SYVN1: variants seen among roughly 807,000 people sequenced by gnomAD.
SYVN1 encodes E3 ubiquitin-protein ligase synoviolin.
In SYVN1, 17 loss-of-function variants were observed where a neutral mutation model predicts 62.6. The ratio of observed to expected loss-of-function variants is 0.27; its 90% CI spans 0.19 to 0.41. SYVN1 has a LOEUF of 0.41. Among genes scored for constraint, SYVN1 ranks in the 10% least tolerant of loss-of-function variants. The probability of loss-of-function intolerance (pLI) is 1.00; values close to 1 mark genes in which losing one functional copy is unlikely to be tolerated. For synonymous variants in SYVN1, 316 were observed against 304.0 expected, an observed-to-expected ratio of 1.04 and a Z score of -0.41; for missense variants, 634 against 818.0, an observed-to-expected ratio of 0.78 and a Z score of 2.74.
Position 65,130,100 on chromosome 11 carries a change from G to A in SYVN1, c.1310C>T (p.Ala437Val), listed in dbSNP as rs1948157086. 6.2e-7 allele frequency: 1 copy of A among 1,611,444 alleles called. No individual in the cohort carries two copies. Among genetic ancestry groups the A allele is most frequent in the African/African-American group, 1.3e-5 (1 of 74,902 alleles). The change falls in exon 13 of 16, where the codon GCA becomes GTA. Residue 437 changes from alanine to valine, a missense_variant. By Grantham distance (64) the Ala-to-Val change is moderately conservative. Transcript: ENST00000377190. ...GTSATAASAT[A>V]SGPGSGSAPE... The stretch of plus-strand genomic sequence containing the variant: ...GGCAGAGCCAGAGCCTGGGCCAGAT[G>A]CTGTGGCAGAAGCAGCAGTAGCACT...
At chr11:65,132,598 C>A (rs753040219) in intron 5 of SYVN1, 134 bp downstream of exon 5, 1 of 1,127,682 alleles carries the variant, frequency 8.9e-7, no homozygotes, top group Non-Finnish European at 1.3e-6. Context: ...TAGAGTGGAA[C>A]AGCACAGAGA....
Position 65,133,493 on chromosome 11 carries a change from T to C in SYVN1, c.109A>G (p.Thr37Ala). The C allele has an allele frequency of 6.2e-7, 1 of 1,613,864 alleles. No homozygotes were observed. The highest frequency in any genetic ancestry group is 8.5e-7 in the Non-Finnish European group (1 of 1,180,016). The change falls in exon 2 of 16, where the codon ACC becomes GCC. Residue 37 changes from threonine (T) to alanine (A), a missense_variant. Physicochemically the swap from Thr to Ala is moderately conservative, Grantham distance 58 (BLOSUM62 0). Transcript: ENST00000377190. ...ACTGCCATGCTGGGGCTGGACTTGG[T>C]CAGGTACACCACAGTGGGGTAGAAC... ...HQFYPTVVYL[T>A]KSSPSMAVLY...
chr11:65,133,303 C>G, intron 2 of SYVN1, 51 bp from the exon 3 acceptor site: 1 of 1,600,000 alleles, frequency 6.3e-7, no homozygotes, highest in Non-Finnish European at 8.6e-7. Context: ...CTTTCCTCTC[C>G]TTGGGACTCA....
At chr11:65,128,524 A>G in intron 15 of SYVN1, 36 bp from the exon 16 acceptor site, 1 of 1,613,282 alleles carries the variant, frequency 6.2e-7, no homozygotes, top group South Asian at 1.1e-5. Flanking sequence ...AACCTAGAGA[A>G]GTTCCCTGCT....
chr11:65,131,646 C>A, intron 6 of SYVN1, 50 bp from the exon 7 acceptor site: 1 of 1,598,258 alleles, frequency 6.3e-7, no homozygotes, highest in Non-Finnish European at 8.5e-7. Context: ...CTCCCCCTTG[C>A]TGCACCCACA....
Position 65,128,706 on chromosome 11 carries a change from CG to C in SYVN1, c.1603del (p.Arg535GlyfsTer96). Reference sequence around the variant, plus strand: ...AGTGGAGTTGACTGAAGTGGCAGGCCGGGGGGGCCTGGGAAGAGAAGGGACG... The same window carrying C: ...AGTGGAGTTGACTGAAGTGGCAGGCCGGGGGGCCTGGGAAGAGAAGGGACG... Reference protein sequence around the residue: ...LTVLASLGPPRPATSVNSTEE... With the variant: ...LTVLASLGPPXPATSVNSTEE... On this transcript the variant is annotated frameshift_variant, in exon 15 of 16. Coordinates refer to ENST00000377190, the MANE Select transcript of SYVN1 (RefSeq NM_172230.3). LOFTEE classifies it high-confidence loss of function. 10 of 1,607,806 alleles carry C rather than the reference CG, an allele frequency of 6.2e-6. No homozygotes were observed. The highest frequency in any genetic ancestry group is 3.4e-5 in the Admixed American group (2 of 58,646).
intron 14 of SYVN1, 126 bp from the exon 15 acceptor site, chr11:65,128,840 G>T: frequency 2.0e-6 from 2 of 998,366 alleles, no homozygotes; most frequent in Non-Finnish European, 2.9e-6. Context: ...CCAGTGCCTG[G>T]CAAACACAAG....
intron 5 of SYVN1, 52 bp downstream of exon 5, chr11:65,132,680 G>A: frequency 1.3e-6 from 2 of 1,590,788 alleles, no homozygotes; most frequent in Non-Finnish European, 1.7e-6. Flanking sequence ...TGGAGTACAG[G>A]TCCACGGTTC....
Position 65,127,949 on chromosome 11 carries a change from A to G in SYVN1, c.*433T>C, listed in dbSNP as rs1365820514. 1.0e-5 allele frequency: 2 copies of G among 194,174 alleles called. No homozygotes were observed. The highest frequency in any genetic ancestry group is 1.1e-4 in the Admixed American group (2 of 18,114). 12.0% of individuals were successfully genotyped at this position (194,174 alleles called of 1,614,324 possible). A position where few individuals can be genotyped will look rare whatever the true frequency, so the allele number is the denominator to read the frequency against. On this transcript the variant is annotated 3_prime_UTR_variant, in exon 16 of 16. Coordinates refer to ENST00000377190, the MANE Select transcript of SYVN1 (RefSeq NM_172230.3). ...AGTCTTAGGGGTGGGCCAGCGAGCA[A>G]GTTCATAGCTTGCCTCCAGCCCCTC...
At position 65,133,045 on chromosome 11, in the gene SYVN1, G is replaced by A. The variant is rs1948201207; in HGVS notation, c.255C>T (p.Val85=). The change falls in exon 4 of 16, where the codon GTC becomes GTT. Residue 85 remains valine, a synonymous_variant. Transcript: ENST00000377190. ...CGGTGAAGGCCAGACAAGTCTCTGT[G>A]ACGGCGTACCAGGAACGTTCCAGAA... is the stretch of plus-strand genomic sequence containing the variant. ...EHLLERSWYA[V]TETCLAFTVF... is the part of the protein sequence containing the mutation. 2 of 1,614,238 alleles carry A rather than the reference G, an allele frequency of 1.2e-6. No individual in the cohort carries two copies. Among genetic ancestry groups the A allele is most frequent in the Admixed American group, 3.3e-5 (2 of 60,030 alleles).
rs1565341907 is a variant in SYVN1 at position 65,128,412 on chromosome 11, C to T, written c.1824G>A (p.Leu608=). Residue 608 remains leucine (L), a synonymous_variant, in exon 16 of 16, where the codon CTG becomes CTA. Transcript: ENST00000377190. ...GGGCAACAGGAGACTCCAGCTTCTG[C>T]AGGCGGCGCCGGCGGAGCTCTGCTG... is the stretch of plus-strand genomic sequence containing the variant. ...PDAAELRRRR[L]QKLESPVAH 1.9e-6 allele frequency: 3 copies of T among 1,613,796 alleles called. No homozygotes were observed. The highest frequency in any genetic ancestry group is 2.5e-6 in the Non-Finnish European group (3 of 1,179,960).
rs1948113433 is a variant in SYVN1 at position 65,127,312 on chromosome 11, C to T, written c.*1070G>A. On this transcript the variant is annotated 3_prime_UTR_variant, in exon 16 of 16. Coordinates refer to ENST00000377190, the MANE Select transcript of SYVN1 (RefSeq NM_172230.3). ...GCAAGTTTTTATTTGGCTGTATATACAATTTAAGCTATTAAAATTTGTACA... is the reference window on the plus strand; with the variant it reads ...GCAAGTTTTTATTTGGCTGTATATATAATTTAAGCTATTAAAATTTGTACA... 2.3e-6 allele frequency: 1 copy of T among 431,646 alleles called. No homozygotes were observed. Among genetic ancestry groups the T allele is most frequent in the Non-Finnish European group, 4.1e-6 (1 of 244,192 alleles). 26.7% of individuals were successfully genotyped at this position (431,646 alleles called of 1,614,324 possible). A position where few individuals can be genotyped will look rare whatever the true frequency, so the allele number is the denominator to read the frequency against.
Position 65,133,439 on chromosome 11 carries a change from G to T in SYVN1, c.132+31C>A, listed in dbSNP as rs376080246. 19 of 1,609,674 alleles carry T rather than the reference G, an allele frequency of 1.2e-5. No homozygotes were observed. In the African/African-American group the frequency reaches 2.3e-4, roughly 19 times the overall value. Reference sequence around the variant, plus strand: ...GGCAGACTCCTCCTTCCCTCCCAGGGAGTTCCTCCCTCCCTGAGCCCTGAA... The same window carrying T: ...GGCAGACTCCTCCTTCCCTCCCAGGTAGTTCCTCCCTCCCTGAGCCCTGAA... On this transcript the variant is annotated intron_variant, in intron 2 of 15. Coordinates refer to ENST00000377190, the MANE Select transcript of SYVN1 (RefSeq NM_172230.3).
chr11:65,132,107 G>A, intron 6 of SYVN1, 141 bp downstream of exon 6: 3 of 721,782 alleles, frequency 4.2e-6, no homozygotes, highest in Non-Finnish European at 7.7e-6. Context: ...TGGAGGGCAG[G>A]AGCCATATCT....
Position 65,127,984 on chromosome 11 carries a change from C to T in SYVN1, c.*398G>A, listed in dbSNP as rs555792683. ...TTGCCTCCAGCCCCTCTGGAGTCCA[C>T]ACTTGGGAACGGGAGCTAATACTGT... On this transcript the variant is annotated 3_prime_UTR_variant, in exon 16 of 16. Coordinates refer to ENST00000377190, the MANE Select transcript of SYVN1 (RefSeq NM_172230.3). 4 of 234,222 alleles carry T rather than the reference C, an allele frequency of 1.7e-5. No individual in the cohort carries two copies. In the East Asian group the frequency reaches 4.5e-4, roughly 27 times the overall value. The allele number at this position is 234,222 out of a possible 1,614,324, so 14.5% of individuals were successfully genotyped here. A position where few individuals can be genotyped will look rare whatever the true frequency, so the allele number is the denominator to read the frequency against.
intron 14 of SYVN1, 171 bp from the exon 15 acceptor site, chr11:65,128,885 G>T: frequency 1.4e-6 from 1 of 691,140 alleles, no homozygotes; most frequent in Non-Finnish European, 2.4e-6. Context: ...AGGGTGACTG[G>T]ACTCAAGGGC....
chr11:65,128,880 G>T, intron 14 of SYVN1, 166 bp from the exon 15 acceptor site: 1 of 731,132 alleles, frequency 1.4e-6, no homozygotes, highest in Non-Finnish European at 2.2e-6. Flanking sequence ...CAGACAGGGT[G>T]ACTGGACTCA....
In SYVN1 at chr11:65,132,323, G is replaced by A. The variant is rs1948191412; in HGVS notation, c.456C>T (p.Asp152=). Residue 152 remains aspartate, a synonymous_variant, in exon 6 of 16, where the codon GAC becomes GAT. Transcript: ENST00000377190. ...GATAGGCGTGGCTGACGAAGAGGAA[G>A]TCCAGGATGCCCAGGAGGAACATAA... ...VSLMFLLGIL[D]FLFVSHAYHS... is the part of the protein sequence containing the mutation. The A allele has an allele frequency of 6.2e-7, 1 of 1,613,994 alleles. No individual in the cohort carries two copies.
At position 65,128,507 on chromosome 11, in the gene SYVN1, G is replaced by C; in HGVS notation, c.1748-19C>G. Reference sequence around the variant, plus strand: ...TCAGGAGCTGGGGACAGAGAGACTGGAAGTGGAACCTAGAGAAGTTCCCTG... The same window carrying C: ...TCAGGAGCTGGGGACAGAGAGACTGCAAGTGGAACCTAGAGAAGTTCCCTG... On this transcript the variant is annotated intron_variant, in intron 15 of 15. Transcript: ENST00000377190. 6.2e-7 allele frequency: 1 copy of C among 1,613,392 alleles called. No individual in the cohort carries two copies. The highest frequency in any genetic ancestry group is 1.1e-5 in the South Asian group (1 of 91,030).
Sources: allele counts gnomAD v4.1 joint callset, GRCh38; gene constraint gnomAD v4.1.1; transcripts MANE v1.5; gene names NCBI Gene and HGNC (gene_info 2026-07-23, HGNC 2026-07-21).